The following ERBB4 variants were observed in gnomAD, a reference collection of about 807,000 sequenced individuals.
ERBB4 encodes the protein receptor tyrosine-protein kinase erbB-4.
In ERBB4, 42 loss-of-function variants were observed where a neutral mutation model predicts 158.0. That is an observed-to-expected ratio of 0.27 (90% CI 0.21 to 0.34). The LOEUF (loss-of-function observed/expected upper bound fraction) is 0.34, where lower values mean the gene tolerates loss of function less well. ERBB4 is among the 10% of genes least tolerant of loss of function. The pLI is 1.00. For synonymous variants in ERBB4, 583 were observed against 558.7 expected, an observed-to-expected ratio of 1.04 and a Z score of -0.61; for missense variants, 1,333 against 1,624.1, an observed-to-expected ratio of 0.82 and a Z score of 3.08.
intron 2 of ERBB4, among the ~76,000 whole-genome samples, chr2:211,976,080 T>A (rs1210073865): frequency 6.6e-6 from 1 of 152,160 alleles, no homozygotes; most frequent in African/African-American, 2.4e-5. Context: ...GGCAGAGAAG[T>A]TTTATTTTCT....
At chr2:212,069,256 G>A (rs938642937) in intron 2 of ERBB4, among the ~76,000 whole-genome samples, 3 of 152,090 alleles carry the variant, frequency 2.0e-5, no homozygotes, top group Non-Finnish European at 2.9e-5. Context: ...TTGATCCCAG[G>A]AACACAAGGT....
intron 3 of ERBB4, among the ~76,000 whole-genome samples, chr2:211,916,187 T>A (rs2079684606): frequency 6.6e-6 from 1 of 151,814 alleles, no homozygotes; most frequent in African/African-American, 2.4e-5. Context: ...TTTATTTTGT[T>A]TATTTATTTT....
chr2:212,379,681 A>G (rs931098514), intron 1 of ERBB4, among the ~76,000 whole-genome samples: 2 of 151,622 alleles, frequency 1.3e-5, no homozygotes, highest in African/African-American at 4.8e-5. Flanking sequence ...GGAAATTATC[A>G]TAACAAAATA....
At chr2:212,246,067 G>A (rs759467689) in intron 1 of ERBB4, among the ~76,000 whole-genome samples, 10 of 152,160 alleles carry the variant, frequency 6.6e-5, no homozygotes, top group Admixed American at 2.6e-4. Context: ...TATGGGAGCC[G>A]GCTTAGATAT....
intron 1 of ERBB4, among the ~76,000 whole-genome samples, chr2:212,150,432 T>C (rs1382801782): frequency 3.9e-5 from 6 of 152,168 alleles, no homozygotes; most frequent in Admixed American, 2.0e-4. Flanking sequence ...TACAACAACT[T>C]ATTTCCAAAT....
In ERBB4 at chr2:212,173,002, A is replaced by C. The variant is rs73073265; in HGVS notation, c.83-48099T>G. On this transcript the variant is annotated intron_variant, in intron 1 of 27. Coordinates refer to ENST00000342788, the MANE Select transcript of ERBB4 (RefSeq NM_005235.3). ...GGTCTATAGTTACTAATGCACAATG[A>C]AAGTCAATGTATATTATTATGTGGG... Among the ~76,000 whole-genome samples the C allele has an allele frequency of 3.4e-3, 522 of 152,276 alleles. 3 individuals are homozygous for C. The highest frequency in any genetic ancestry group is 0.012 in the African/African-American group (490 of 41,572).
chr2:212,472,729 C>A (rs954740467), intron 1 of ERBB4, among the ~76,000 whole-genome samples: 4 of 151,742 alleles, frequency 2.6e-5, no homozygotes, highest in Non-Finnish European at 5.9e-5. Flanking sequence ...CATGTGTTTG[C>A]ATGTTATAAC....
At chr2:211,695,007 A>C (rs1296080312) in intron 12 of ERBB4, among the ~76,000 whole-genome samples, 1 of 152,210 alleles carries the variant, frequency 6.6e-6, no homozygotes, top group African/African-American at 2.4e-5. Flanking sequence ...ACGACGATAT[A>C]AAGTCTGTTT....
chr2:211,783,537 G>A (rs762724579), intron 4 of ERBB4, among the ~76,000 whole-genome samples: 28 of 152,276 alleles, frequency 1.8e-4, no homozygotes, highest in African/African-American at 6.0e-4. Context: ...TTTGAGATAC[G>A]TCCCATCAGT....
chr2:211,938,607 T>A (rs2080395215), intron 3 of ERBB4, among the ~76,000 whole-genome samples: 1 of 152,160 alleles, frequency 6.6e-6, no homozygotes, highest in Non-Finnish European at 1.5e-5. Context: ...ACATATTGAA[T>A]ATTGCTATCA....
intron 3 of ERBB4, among the ~76,000 whole-genome samples, chr2:211,916,388 T>C (rs1415619935): frequency 6.6e-6 from 1 of 151,950 alleles, no homozygotes; most frequent in African/African-American, 2.4e-5. Context: ...CCATGTTGGC[T>C]AGGCTGGTCT....
chr2:212,070,616 T>C (rs553673342), intron 2 of ERBB4, among the ~76,000 whole-genome samples: 5 of 152,052 alleles, frequency 3.3e-5, no homozygotes, highest in Non-Finnish European at 7.4e-5. Flanking sequence ...CAACAAATAG[T>C]ATGGGGATAA....
At chr2:212,165,117 C>T (rs1353110349) in intron 1 of ERBB4, among the ~76,000 whole-genome samples, 1 of 151,914 alleles carries the variant, frequency 6.6e-6, no homozygotes, top group South Asian at 2.1e-4. Context: ...TCCTTCATCA[C>T]CCACCTGAAT....
intron 2 of ERBB4, among the ~76,000 whole-genome samples, chr2:212,026,038 C>T (rs184790945): frequency 1.7e-4 from 25 of 151,396 alleles, no homozygotes; most frequent in South Asian, 8.4e-4. Context: ...ATAATAGATG[C>T]GTAAATGCTT....
intron 1 of ERBB4, among the ~76,000 whole-genome samples, chr2:212,422,439 A>G (rs1047366642): frequency 4.6e-5 from 7 of 152,070 alleles, no homozygotes; most frequent in African/African-American, 1.7e-4. Flanking sequence ...CAGAGGTTGC[A>G]GCGAGCTGAG....
intron 3 of ERBB4, among the ~76,000 whole-genome samples, chr2:211,823,803 G>A (rs578096157): frequency 1.1e-4 from 17 of 152,032 alleles, no homozygotes; most frequent in African/African-American, 3.4e-4. Context: ...TGACTGGCAC[G>A]TGCTAAGCAT....
chr2:212,424,057 G>C (rs2091854378), intron 1 of ERBB4, among the ~76,000 whole-genome samples: 1 of 151,856 alleles, frequency 6.6e-6, no homozygotes, highest in Non-Finnish European at 1.5e-5. Flanking sequence ...GGCAATAATG[G>C]CTTAATATAA....
chr2:212,205,409 G>C (rs1339951369), intron 1 of ERBB4, among the ~76,000 whole-genome samples: 1 of 152,006 alleles, frequency 6.6e-6, no homozygotes, highest in African/African-American at 2.4e-5. Flanking sequence ...TTTGTTTCTA[G>C]ACAAAGCAGA....
chr2:212,163,404 C>A (rs1521652), intron 1 of ERBB4, among the ~76,000 whole-genome samples: 1 of 151,994 alleles, frequency 6.6e-6, no homozygotes, highest in Non-Finnish European at 1.5e-5. Context: ...TAATTTAACC[C>A]AGTCAGTGCT....
Sources: gnomAD v4.1 joint callset for allele counts (sites outside exome capture counted in the v4.1 genomes callset) on GRCh38, gnomAD v4.1.1 for gene constraint, MANE v1.5 for transcripts, NCBI Gene and HGNC (gene_info 2026-07-23, HGNC 2026-07-21) for gene names.